CCDC88A: variants seen among roughly 807,000 people sequenced by gnomAD.
CCDC88A encodes the protein coiled-coil and HOOK domain protein 88A, also known as girdin.
A neutral mutation model predicts 234.3 loss-of-function variants in CCDC88A; 54 were observed. That is an observed-to-expected ratio of 0.23 (90% CI 0.19 to 0.29). The LOEUF (loss-of-function observed/expected upper bound fraction) is 0.29. Ranked by LOEUF, CCDC88A falls within the 10% of genes least tolerant of loss-of-function variation. The probability of loss-of-function intolerance (pLI) is 1.00; values close to 1 mark genes in which losing one functional copy is unlikely to be tolerated. For missense variants in CCDC88A, 1,832 were observed against 2,123.4 expected (o/e 0.86, Z 2.70); for synonymous variants, 753 against 737.8 (o/e 1.02, Z -0.33).
intron 8 of CCDC88A, 146 bp from the exon 9 acceptor site, chr2:55,349,745 AG>A: frequency 2.0e-6 from 1 of 510,306 alleles, no homozygotes; most frequent in Non-Finnish European, 3.4e-6. Flanking sequence ...AAAAAAAAAA[AG>A]ATAGATATTA....
intron 2 of CCDC88A, among the ~76,000 whole-genome samples, chr2:55,412,540 G>A (rs1045316158): frequency 4.6e-5 from 7 of 152,100 alleles, no homozygotes; most frequent in Middle Eastern, 3.2e-3. Context: ...CTGTAGATGC[G>A]AGGGATCTAG....
chr2:55,402,854 A>G (rs1678942809), intron 2 of CCDC88A, among the ~76,000 whole-genome samples: 1 of 152,014 alleles, frequency 6.6e-6, no homozygotes, highest in South Asian at 2.1e-4. Flanking sequence ...CTAAAAATAC[A>G]AAAAATTAGC....
chr2:55,384,957 A>G (rs1240766452), intron 3 of CCDC88A, among the ~76,000 whole-genome samples: 8 of 152,072 alleles, frequency 5.3e-5, no homozygotes, highest in Admixed American at 5.3e-4. Flanking sequence ...GCGCCTGGCT[A>G]AACTTGCTTA....
chr2:55,419,093 TATTTGAA>T lies in CCDC88A; in HGVS notation c.-21_-15del. ...TTCGTTCTCCATTTTACAGAGTATG[TATTTGAA>T]AAAAGGAACTACCACAAAAATACGC... On this transcript the variant is annotated 5_prime_UTR_variant, in exon 1 of 33. Coordinates refer to ENST00000436346, the MANE Select transcript of CCDC88A (RefSeq NM_001365480.1). 6.3e-7 allele frequency: 1 copy of T among 1,579,710 alleles called. No individual in the cohort carries two copies. Among genetic ancestry groups the T allele is most frequent in the Non-Finnish European group, 8.7e-7 (1 of 1,149,994 alleles).
At chr2:55,351,382 C>T (rs1669868088) in intron 8 of CCDC88A, among the ~76,000 whole-genome samples, 1 of 151,952 alleles carries the variant, frequency 6.6e-6, no homozygotes, top group Non-Finnish European at 1.5e-5. Flanking sequence ...GAGTCTGACT[C>T]TGTTACCCAG....
intron 2 of CCDC88A, among the ~76,000 whole-genome samples, chr2:55,416,191 A>G (rs1243429429): frequency 6.6e-6 from 1 of 151,886 alleles, no homozygotes; most frequent in African/African-American, 2.4e-5. Context: ...AAGATATAAG[A>G]CAATTTCTAA....
intron 3 of CCDC88A, among the ~76,000 whole-genome samples, chr2:55,387,657 C>T (rs924166400): frequency 2.6e-5 from 4 of 151,116 alleles, no homozygotes; most frequent in African/African-American, 9.7e-5. Context: ...TGGTGCACAC[C>T]TATAGTCCCA....
intron 13 of CCDC88A, chr2:55,337,607 A>C (rs920051466): frequency 6.6e-6 from 1 of 152,192 alleles, no homozygotes; most frequent in Non-Finnish European, 1.5e-5. Context: ...CTACACACAG[A>C]AACAATCTTC....
At chr2:55,385,865 A>AC (rs1162913003) in intron 3 of CCDC88A, among the ~76,000 whole-genome samples, 2 of 149,478 alleles carry the variant, frequency 1.3e-5, no homozygotes, top group African/African-American at 4.9e-5. Flanking sequence ...AAAAAAAAAA[A>AC]AAAAAAAAAA....
chr2:55,382,159 C>A (rs1321658089), intron 3 of CCDC88A, among the ~76,000 whole-genome samples: 1 of 152,106 alleles, frequency 6.6e-6, no homozygotes, highest in Non-Finnish European at 1.5e-5. Context: ...TTCTTGGCTA[C>A]TGAATTTTAT....
In CCDC88A at chr2:55,339,701, GTTTACTC is replaced by G. The variant is rs367767128; in HGVS notation, c.1334-60_1334-54del. On this transcript the variant is annotated intron_variant, in intron 12 of 32. Coordinates refer to ENST00000436346, the MANE Select transcript of CCDC88A (RefSeq NM_001365480.1). ...ATTTACTCTTTACTGTTTTTACTAT[GTTTACTC>G]TTTACTATTTAAAAAGTTGAGTGTA... 2.7e-6 allele frequency: 4 copies of G among 1,475,850 alleles called. No individual in the cohort carries two copies. The African/African-American group carries it at 5.7e-5, about 21-fold the overall frequency. The allele number at this position is 1,475,850 out of a possible 1,614,324, so 91.4% of individuals were successfully genotyped here. A position where few individuals can be genotyped will look rare whatever the true frequency, so the allele number is the denominator to read the frequency against.
rs926691161 is a variant in CCDC88A, at chr2:55,419,088, G to A, written c.-9C>T. ...AAAATTTCGTTCTCCATTTTACAGA[G>A]TATGTATTTGAAAAAAGGAACTACC... On this transcript the variant is annotated 5_prime_UTR_variant, in exon 1 of 33. Transcript: ENST00000436346. 1 of 1,588,126 alleles carries A rather than the reference G, an allele frequency of 6.3e-7. No individual in the cohort carries two copies. The highest frequency in any genetic ancestry group is 1.1e-5 in the South Asian group (1 of 90,164).
At chr2:55,399,260 G>A (rs1467323697) in intron 2 of CCDC88A, among the ~76,000 whole-genome samples, 1 of 151,996 alleles carries the variant, frequency 6.6e-6, no homozygotes, top group Non-Finnish European at 1.5e-5. Flanking sequence ...CTGTCACTCT[G>A]GGCCAGGCAC....
chr2:55,415,463 C>T (rs991957804), intron 2 of CCDC88A, among the ~76,000 whole-genome samples: 12 of 152,120 alleles, frequency 7.9e-5, no homozygotes, highest in Non-Finnish European at 1.3e-4. Flanking sequence ...GATCCCCAAT[C>T]GATGGGAAAC....
At position 55,332,415 on chromosome 2, in the gene CCDC88A, C is replaced by G. The variant is rs1685027645; in HGVS notation, c.2855+151G>C. On this transcript the variant is annotated intron_variant, in intron 16 of 32. Transcript: ENST00000436346. This position sits in a 1 kb window ranked among gnomAD's most constrained non-coding sequence, Gnocchi z 4.5. ...GGGATTATAGGTGTGAGCCACCGCA[C>G]CCGGCTACAGAACTTTCCTTAAGGG... 7.6e-7 allele frequency: 1 copy of G among 1,314,040 alleles called. No homozygotes were observed. Among genetic ancestry groups the G allele is most frequent in the Admixed American group, 3.2e-5 (1 of 30,890 alleles). 81.4% of individuals were successfully genotyped at this position (1,314,040 alleles called of 1,614,324 possible).
chr2:55,416,698 G>A (rs1195919231), intron 2 of CCDC88A, among the ~76,000 whole-genome samples: 2 of 150,914 alleles, frequency 1.3e-5, no homozygotes, highest in African/African-American at 4.9e-5. Flanking sequence ...CATTTACTAG[G>A]TATAGAGTTA....
At chr2:55,377,399 C>A (rs1191083566) in intron 3 of CCDC88A, among the ~76,000 whole-genome samples, 1 of 151,584 alleles carries the variant, frequency 6.6e-6, no homozygotes, top group Non-Finnish European at 1.5e-5. Context: ...CTCAAGCAAT[C>A]CTCCTGTCTT....
At chr2:55,372,237 A>C (rs894513292) in intron 5 of CCDC88A, among the ~76,000 whole-genome samples, 5 of 152,158 alleles carry the variant, frequency 3.3e-5, no homozygotes, top group African/African-American at 1.2e-4. Flanking sequence ...AAATATTTTA[A>C]ATGATATGAC....
intron 2 of CCDC88A, chr2:55,416,804 A>G (rs1182414173): frequency 6.6e-6 from 1 of 151,964 alleles, no homozygotes; most frequent in Non-Finnish European, 1.5e-5. Context: ...AGCAAAATAC[A>G]GCTTATAAAA....
Sources: gnomAD v4.1 joint callset for allele counts (sites outside exome capture counted in the v4.1 genomes callset) on GRCh38, gnomAD v4.1.1 for gene constraint, Gnocchi (gnomAD v3.1) non-coding constraint, MANE v1.5 for transcripts, NCBI Gene and HGNC (gene_info 2026-07-23, HGNC 2026-07-21) for gene names.